The following DZANK1 variants were observed in gnomAD, a reference collection of about 807,000 sequenced individuals.
DZANK1 encodes double zinc ribbon and ankyrin repeat domains 1.
Under a neutral mutation model 94.5 loss-of-function variants are expected in DZANK1, and 91 were observed. The ratio of observed to expected loss-of-function variants is 0.96; its 90% CI spans 0.81 to 1.15. DZANK1 has a LOEUF of 1.15. Among genes scored for constraint, DZANK1 ranks in the 50% most tolerant of loss-of-function variants. The pLI is 0.00. For synonymous variants in DZANK1, 312 were observed against 325.3 expected (o/e 0.96, Z 0.44); for missense variants, 903 against 916.4 (o/e 0.99, Z 0.19).
rs112783791 is a variant in DZANK1, at chr20:18,427,606, G to GGGGT, written c.862-448_862-447insACCC. Among the ~76,000 whole-genome samples, 505 of 148,786 alleles carry GGGGT rather than the reference G, an allele frequency of 3.4e-3. 1 individual carries two copies. The highest frequency in any genetic ancestry group is 0.012 in the African/African-American group (475 of 40,640). ...TCTGCACTGGTTATGTGTAAGGTTG[G>GGGGT]GTGTGTGTGTGTGTGTGTGTGTGTG... On this transcript the variant is annotated intron_variant, in intron 9 of 20. Coordinates refer to ENST00000262547, the Ensembl canonical transcript of DZANK1.
intron 6 of DZANK1, among the ~76,000 whole-genome samples, chr20:18,449,626 C>T (rs1193335141): frequency 1.3e-5 from 2 of 151,318 alleles, no homozygotes; most frequent in African/African-American, 4.9e-5. Context: ...GGTGTGGTGG[C>T]GGGTGCCTGT....
chr20:18,420,165 G>A (rs1238146176), intron 10 of DZANK1: 1 of 199,686 alleles, frequency 5.0e-6, no homozygotes, highest in Admixed American at 4.5e-5. Flanking sequence ...AATGGTCAGT[G>A]TTTTAAAGTC....
At chr20:18,459,957 T>C (rs1052406370) in intron 3 of DZANK1, among the ~76,000 whole-genome samples, 196 bp downstream of exon 3, 1 of 152,242 alleles carries the variant, frequency 6.6e-6, no homozygotes, top group Non-Finnish European at 1.5e-5. Flanking sequence ...TGTATACTTA[T>C]GATTTCTGCA....
rs752603099 is a variant in DZANK1 at position 18,394,243 on chromosome 20, G to T, written c.1708+11C>A. 6 of 1,610,740 alleles carry T rather than the reference G, an allele frequency of 3.7e-6. No homozygotes were observed. The South Asian group carries it at 6.6e-5, about 18-fold the overall frequency. ...CAGTTGTTTTAAAATTGCCAGAAGG[G>T]AATAACTCACCCCAGCTGGACCTGC... On this transcript the variant is annotated intron_variant, in intron 16 of 20. Transcript: ENST00000262547.
chr20:18,448,851 A>T (rs1601108134), intron 7 of DZANK1, 133 bp downstream of exon 7: 1 of 698,970 alleles, frequency 1.4e-6, no homozygotes. Flanking sequence ...AGGGTGACAG[A>T]GTGAGACTCC....
intron 8 of DZANK1, 159 bp from the exon 9 acceptor site, chr20:18,433,924 G>A: frequency 1.7e-6 from 1 of 573,438 alleles, no homozygotes; most frequent in South Asian, 2.6e-5. Flanking sequence ...AGTACTTGGT[G>A]GAAGAATGTA....
chr20:18,387,615 T>C (rs985969092), intron 19 of DZANK1, among the ~76,000 whole-genome samples: 1 of 152,208 alleles, frequency 6.6e-6, no homozygotes, highest in Non-Finnish European at 1.5e-5. Context: ...ACAGCATTTC[T>C]CTGGGCCTCT....
intron 13 of DZANK1, among the ~76,000 whole-genome samples, chr20:18,404,124 A>AT (rs796900990): frequency 0.038 from 5,539 of 145,168 alleles, 284 homozygotes; most frequent in African/African-American, 0.12. Flanking sequence ...ACATTATGAG[A>AT]TTTTTTTTTT....
At chr20:18,414,063 A>T (rs1388642176) in intron 12 of DZANK1, among the ~76,000 whole-genome samples, 1 of 152,190 alleles carries the variant, frequency 6.6e-6, no homozygotes, top group Non-Finnish European at 1.5e-5. Context: ...CTAAAATATA[A>T]AAAAGGGGAA....
chr20:18,458,124 T>C (rs1229276541), intron 3 of DZANK1, among the ~76,000 whole-genome samples: 3 of 152,230 alleles, frequency 2.0e-5, no homozygotes, highest in Non-Finnish European at 2.9e-5. Flanking sequence ...GCTTTGCCCT[T>C]ACTGATTTTC....
At chr20:18,431,045 T>C (rs1568965325) in intron 9 of DZANK1, among the ~76,000 whole-genome samples, 2 of 152,048 alleles carry the variant, frequency 1.3e-5, no homozygotes, top group African/African-American at 4.8e-5. Flanking sequence ...GAAATAGAAA[T>C]GGAGGTAGAG....
At chr20:18,386,964 G>A (rs1236738085) in intron 19 of DZANK1, among the ~76,000 whole-genome samples, 1 of 152,176 alleles carries the variant, frequency 6.6e-6, no homozygotes, top group Non-Finnish European at 1.5e-5. Flanking sequence ...TTTTCACACT[G>A]CTGATAAAGA....
intron 6 of DZANK1, chr20:18,451,775 C>G: frequency 2.2e-6 from 1 of 451,174 alleles, no homozygotes. Context: ...TCCCTCTCAT[C>G]CGTCGGATCC....
In DZANK1 at chr20:18,389,477, A is replaced by G. The variant is rs1359537663; in HGVS notation, c.2018+224T>C. On this transcript the variant is annotated intron_variant, in intron 19 of 20. Transcript: ENST00000262547. ...TAACAAAATGTATCATCATTTATAA[A>G]AGCCACTAAATTAGGCAATCCAACA... 2.0e-5 allele frequency among the ~76,000 whole-genome samples: 3 copies of G among 152,212 alleles called. No individual in the cohort carries two copies. In the East Asian group the frequency reaches 5.8e-4, roughly 29 times the overall value.
chr20:18,427,308 T>A, intron 9 of DZANK1, 149 bp from the exon 10 acceptor site: 1 of 497,556 alleles, frequency 2.0e-6, no homozygotes, highest in Non-Finnish European at 3.5e-6. Flanking sequence ...GGAGTTACTG[T>A]AAATAGTGTC....
At chr20:18,429,369 C>T (rs1219864362) in intron 9 of DZANK1, among the ~76,000 whole-genome samples, 1 of 152,222 alleles carries the variant, frequency 6.6e-6, no homozygotes, top group Admixed American at 6.5e-5. Flanking sequence ...GCATACTCTG[C>T]CCAATCCCTG....
chr20:18,454,145 G>T (rs1335234192), intron 4 of DZANK1: 6 of 417,602 alleles, frequency 1.4e-5, no homozygotes, highest in Non-Finnish European at 2.8e-5. Context: ...CAAGTCCAGA[G>T]GGCAAAGGCA....
chr20:18,405,956 C>A (rs1168858301), intron 13 of DZANK1, among the ~76,000 whole-genome samples: 1 of 152,198 alleles, frequency 6.6e-6, no homozygotes, highest in Non-Finnish European at 1.5e-5. Flanking sequence ...AAAATAAAGC[C>A]GTGCTGGGCT....
intron 5 of DZANK1, 106 bp from the exon 6 acceptor site, chr20:18,452,845 C>A: frequency 4.4e-6 from 5 of 1,135,132 alleles, no homozygotes; most frequent in Non-Finnish European, 4.8e-6. Context: ...CCACTGTCAC[C>A]ACATTGCTTC....
Sources: allele counts gnomAD v4.1 joint callset (sites outside exome capture counted in the v4.1 genomes callset), GRCh38; gene constraint gnomAD v4.1.1; transcripts MANE v1.5; gene names NCBI Gene and HGNC (gene_info 2026-07-23, HGNC 2026-07-21).